Variants in ACOX1 observed in about 807,000 individuals in gnomAD.
ACOX1 encodes the protein acyl-CoA oxidase 1.
A neutral mutation model predicts 75.5 loss-of-function variants in ACOX1; 41 were observed. The observed-to-expected ratio is 0.54, with a 90% CI of 0.42 to 0.70. ACOX1 has a LOEUF of 0.70. Ranked by LOEUF, ACOX1 falls within the 30% of genes least tolerant of loss-of-function variation. The pLI, the probability that ACOX1 is intolerant of heterozygous loss-of-function variation, is 0.00. For synonymous variants in ACOX1, 303 were observed against 298.8 expected (o/e 1.01, Z -0.15); for missense variants, 630 against 837.5 (o/e 0.75, Z 3.06).
chr17:75,973,815 C>A (rs1250927736), intron 2 of ACOX1: 3 of 1,612,604 alleles, frequency 1.9e-6, no homozygotes, highest in Non-Finnish European at 2.5e-6. Context: ...AGGATCTCAG[C>A]CTTCCTTTAG....
At chr17:75,947,915 C>T (rs538133500) in intron 13 of ACOX1, among the ~76,000 whole-genome samples, 7 of 152,024 alleles carry the variant, frequency 4.6e-5, no homozygotes, top group African/African-American at 9.6e-5. Context: ...GATTGGGTTT[C>T]GCCATTTTAG....
At chr17:75,957,006 T>C (rs112026181) in intron 4 of ACOX1, among the ~76,000 whole-genome samples, 17,912 of 105,504 alleles carry the variant, frequency 0.17, 3,279 homozygotes, top group African/African-American at 0.44. Flanking sequence ...TATATATATA[T>C]ATACACACAC....
Position 75,949,321 on chromosome 17 carries a change from T to C in ACOX1, c.1624A>G (p.Lys542Glu), listed in dbSNP as rs1027575586. ...HYVVVKLFSEKLLKIQDKAIQ... is the reference protein window; with the variant it reads ...HYVVVKLFSEELLKIQDKAIQ... ...GCTTTATCTTGAATTTTGAGGAGTTTTTCTGAAAAGAGCTTAACTACCACA... is the reference window on the plus strand; with the variant it reads ...GCTTTATCTTGAATTTTGAGGAGTTCTTCTGAAAAGAGCTTAACTACCACA... Residue 542 changes from lysine (K) to glutamate (E), a missense_variant, in exon 12 of 14, where the codon AAA (lysine) becomes GAA (glutamate). Around this residue, in one of 2 missense-constraint regions of ACOX1, gnomAD observed 240 missense variants for 262.7 expected, o/e 0.91. Transcript: ENST00000293217. 6.2e-7 allele frequency: 1 copy of C among 1,614,180 alleles called. No individual in the cohort carries two copies. Among genetic ancestry groups the C allele is most frequent in the East Asian group, 2.2e-5 (1 of 44,890 alleles).
chr17:75,966,129 C>T lies in ACOX1; in HGVS notation c.270-5754G>A, dbSNP rs926652859. Among the ~76,000 whole-genome samples, 8 of 144,838 alleles carry T rather than the reference C, an allele frequency of 5.5e-5. No individual in the cohort carries two copies. The East Asian group carries it at 1.0e-3, about 19-fold the overall frequency. On this transcript the variant is annotated intron_variant, in intron 2 of 13. Transcript: ENST00000293217. Reference sequence around the variant, plus strand: ...TGGGTGACAGAGCAAGACTCCATCTCGAAAAAGAAAAAAAATAATAAATAA... The same window carrying T: ...TGGGTGACAGAGCAAGACTCCATCTTGAAAAAGAAAAAAAATAATAAATAA...
chr17:75,975,828 C>T (rs1004220988), intron 2 of ACOX1, among the ~76,000 whole-genome samples: 1 of 143,980 alleles, frequency 6.9e-6, no homozygotes, highest in African/African-American at 2.6e-5. Context: ...TCTTCACCTG[C>T]TGATAATGGA....
intron 6 of ACOX1, 76 bp from the exon 7 acceptor site, chr17:75,953,696 C>G (rs1243659277): frequency 1.9e-6 from 3 of 1,556,262 alleles, no homozygotes; most frequent in Non-Finnish European, 1.8e-6. Flanking sequence ...AAAGTGTGGT[C>G]CCTGGAATAG....
At chr17:75,963,463 AG>A (rs1397058617) in intron 2 of ACOX1, among the ~76,000 whole-genome samples, 1 of 151,688 alleles carries the variant, frequency 6.6e-6, no homozygotes, top group African/African-American at 2.4e-5. Context: ...GCACTTTGGG[AG>A]GCCAAGGTGG....
rs140583125 is a variant in ACOX1, at chr17:75,975,935, GAAAGA to G, written c.269+2594_269+2598del. Among the ~76,000 whole-genome samples, 10 of 150,124 alleles carry G rather than the reference GAAAGA, an allele frequency of 6.7e-5. No homozygotes were observed. In the South Asian group the frequency reaches 8.4e-4, roughly 13 times the overall value. On this transcript the variant is annotated intron_variant, in intron 2 of 13. Transcript: ENST00000293217. ...AAAGAGAAAGAAAAAGAAAGGAAAA[GAAAGA>G]AAAGAAAAGAAAGAAAGAAAGAAAA... is the stretch of plus-strand genomic sequence containing the variant.
Position 75,972,026 on chromosome 17 carries a change from G to T in ACOX1, c.269+6508C>A, listed in dbSNP as rs555850898. 4.6e-5 allele frequency among the ~76,000 whole-genome samples: 7 copies of T among 152,138 alleles called. No individual in the cohort carries two copies. The East Asian group carries it at 1.4e-3, about 29-fold the overall frequency. ...ACAAACACACAGATACTCCAAGCGA[G>T]GAGGACTACATAAAGAATCTTATCT... On this transcript the variant is annotated intron_variant, in intron 2 of 13. Coordinates refer to ENST00000293217, the MANE Select transcript of ACOX1 (RefSeq NM_004035.7).
intron 2 of ACOX1, among the ~76,000 whole-genome samples, chr17:75,976,025 ATTCT>A (rs1284446395): frequency 6.6e-6 from 1 of 152,242 alleles, no homozygotes; most frequent in Non-Finnish European, 1.5e-5. Flanking sequence ...AACTGGCAGC[ATTCT>A]TTCTTTCTTA....
In ACOX1 at chr17:75,944,087, A is replaced by T. The variant is rs1157189947; in HGVS notation, c.*2661T>A. ...CTCTACAGAAAAAATAGAACAAATT[A>T]GCTGGGCATGGTGGCACGTGCCTGT... On this transcript the variant is annotated 3_prime_UTR_variant, in exon 14 of 14. Transcript: ENST00000293217. 3 of 152,066 alleles carry T rather than the reference A, an allele frequency of 2.0e-5. No homozygotes were observed. In the East Asian group the frequency reaches 5.8e-4, roughly 29 times the overall value. 9.4% of individuals were successfully genotyped at this position (152,066 alleles called of 1,614,324 possible).
At chr17:75,976,106 A>G (rs12602755) in intron 2 of ACOX1, among the ~76,000 whole-genome samples, 7,920 of 152,220 alleles carry the variant, frequency 0.052, 233 homozygotes, top group East Asian at 0.14. Context: ...TTAACTCGAT[A>G]GCATGCGATA....
intron 2 of ACOX1, among the ~76,000 whole-genome samples, chr17:75,974,146 G>GTTT (rs56119306): frequency 3.5e-5 from 5 of 142,104 alleles, no homozygotes; most frequent in Non-Finnish European, 3.1e-5. Flanking sequence ...AATGTGTGTG[G>GTTT]TTTTTTTTTT....
intron 3 of ACOX1, among the ~76,000 whole-genome samples, chr17:75,959,606 G>T (rs73355734): frequency 0.052 from 7,941 of 152,200 alleles, 227 homozygotes; most frequent in East Asian, 0.092. Context: ...GAAAGCAGGT[G>T]GGGGGTGGAA....
Position 75,949,312 on chromosome 17 carries a change from TGAG to T in ACOX1, c.1630_1632del (p.Leu544del), listed in dbSNP as rs2074252737. 2.5e-6 allele frequency: 4 copies of T among 1,614,102 alleles called. No homozygotes were observed. Among genetic ancestry groups the T allele is most frequent in the African/African-American group, 2.7e-5 (2 of 74,934 alleles). ...GCTTGAATGGCTTTATCTTGAATTT[TGAG>T]GAGTTTTTCTGAAAAGAGCTTAACT... On this transcript the variant is annotated inframe_deletion, in exon 12 of 14. Transcript: ENST00000293217.
chr17:75,954,418 G>A (rs1189488485), intron 6 of ACOX1, among the ~76,000 whole-genome samples: 1 of 149,114 alleles, frequency 6.7e-6, no homozygotes, highest in East Asian at 2.0e-4. Flanking sequence ...AGCTACTTGG[G>A]AGGCTGAGGC....
At chr17:75,963,664 C>T (rs1322454935) in intron 2 of ACOX1, among the ~76,000 whole-genome samples, 1 of 151,086 alleles carries the variant, frequency 6.6e-6, no homozygotes, top group Non-Finnish European at 1.5e-5. Context: ...TGCCACTGAA[C>T]TCCAGCCTGG....
At chr17:75,974,795 G>A (rs1035750599) in intron 2 of ACOX1, among the ~76,000 whole-genome samples, 17 of 152,072 alleles carry the variant, frequency 1.1e-4, no homozygotes, top group African/African-American at 3.9e-4. Flanking sequence ...CACGTTGGGA[G>A]GCCAAGGCGG....
At chr17:75,975,691 C>A (rs1236721821) in intron 2 of ACOX1, among the ~76,000 whole-genome samples, 2 of 152,138 alleles carry the variant, frequency 1.3e-5, no homozygotes, top group South Asian at 4.1e-4. Context: ...TGCCTGTAAT[C>A]CCAGCATTTT....
Sources: gnomAD v4.1 joint callset for allele counts (sites outside exome capture counted in the v4.1 genomes callset) on GRCh38, gnomAD v4.1.1 for gene constraint, gnomAD v4.1.1 regional missense constraint, MANE v1.5 for transcripts, NCBI Gene and HGNC (gene_info 2026-07-23, HGNC 2026-07-21) for gene names.